The following CETP variants were observed in gnomAD, a reference collection of about 807,000 sequenced individuals.
CETP encodes BPI fold containing family F.
In CETP, 56 loss-of-function variants were observed where a neutral mutation model predicts 66.5. That is an observed-to-expected ratio of 0.84 (90% CI 0.68 to 1.05). CETP has a LOEUF of 1.05. Among genes scored for constraint, CETP ranks in the 50% least tolerant of loss-of-function variants. The pLI is 0.00. For missense variants in CETP, 612 were observed against 609.6 expected (o/e 1.00, Z -0.04); for synonymous variants, 251 against 245.7 (o/e 1.02, Z -0.20).
chr16:56,980,886 C>A (rs1461425448), intron 11 of CETP, among the ~76,000 whole-genome samples: 3 of 152,144 alleles, frequency 2.0e-5, no homozygotes, highest in Admixed American at 6.5e-5. Flanking sequence ...CGTGCCACTG[C>A]CCTCCAGCCT....
chr16:56,969,681 A>C lies in CETP; in HGVS notation c.439A>C (p.Thr147Pro), dbSNP rs1433520923. 1 of 1,613,860 alleles carries C rather than the reference A, an allele frequency of 6.2e-7. No individual in the cohort carries two copies. The highest frequency in any genetic ancestry group is 8.5e-7 in the Non-Finnish European group (1 of 1,179,972). The change falls in exon 4 of 16, where the codon ACC becomes CCC. Residue 147 changes from threonine to proline, a missense_variant and splice_region_variant. Physicochemically the swap from Thr to Pro is conservative, Grantham distance 38 (BLOSUM62 -1). Coordinates refer to ENST00000200676, the MANE Select transcript of CETP (RefSeq NM_000078.3). ...AIDLQINTQL[T>P]CDSGRVRTDA... ...TGACCTCCAGATCAACACACAGCTGAGTATGTGTCAAGCGTCCTCTGGGGA... is the reference window on the plus strand; with the variant it reads ...TGACCTCCAGATCAACACACAGCTGCGTATGTGTCAAGCGTCCTCTGGGGA...
chr16:56,972,444 A>T (rs1343118102), intron 8 of CETP, among the ~76,000 whole-genome samples: 1 of 152,238 alleles, frequency 6.6e-6, no homozygotes, highest in Non-Finnish European at 1.5e-5. Flanking sequence ...TAGGATATAG[A>T]TTTCTGTAAC....
chr16:56,969,647 C>G lies in CETP; in HGVS notation c.405C>G (p.Asp135Glu). Residue 135 changes from aspartate to glutamate, a missense_variant, in exon 4 of 16, where the codon GAC becomes GAG. Coordinates refer to ENST00000200676, the MANE Select transcript of CETP (RefSeq NM_000078.3). ...GIDQSIDFEI[D>E]SAIDLQINTQ... ...ATCAGTCCATTGACTTCGAGATCGACTCTGCCATTGACCTCCAGATCAACA... is the reference window on the plus strand; with the variant it reads ...ATCAGTCCATTGACTTCGAGATCGAGTCTGCCATTGACCTCCAGATCAACA... 6.2e-7 allele frequency: 1 copy of G among 1,613,950 alleles called. No homozygotes were observed. Among genetic ancestry groups the G allele is most frequent in the South Asian group, 1.1e-5 (1 of 91,070 alleles).
At chr16:56,971,151 G>A (rs763230937) in intron 6 of CETP, 49 bp downstream of exon 6, 1 of 1,583,880 alleles carries the variant, frequency 6.3e-7, no homozygotes, top group Non-Finnish European at 8.7e-7. Context: ...TGCCCAGGAG[G>A]CTGGATCCCT....
chr16:56,966,930 C>G lies in CETP; in HGVS notation c.234-2456C>G, dbSNP rs754177689. On this transcript the variant is annotated intron_variant, in intron 2 of 15. Coordinates refer to ENST00000200676, the MANE Select transcript of CETP (RefSeq NM_000078.3). ...GCCTGGCCCAGTCTGACTGTTTTCA[C>G]TTACTCTCTAATGTCTCAGGTAGTG... Among the ~76,000 whole-genome samples, 8 of 151,928 alleles carry G rather than the reference C, an allele frequency of 5.3e-5. No homozygotes were observed. The South Asian group carries it at 1.2e-3, about 24-fold the overall frequency.
chr16:56,968,748 AGTCTAGCTAAAGGTTT>A (rs1192884656), intron 2 of CETP, among the ~76,000 whole-genome samples: 38 of 135,158 alleles, frequency 2.8e-4, no homozygotes, highest in African/African-American at 1.1e-3. Flanking sequence ...TTTTTTTGCC[AGTCTAGCTAAAGGTTT>A]GTTGATTTTG....
At chr16:56,964,765 GGGTGCTGT>G (rs1295734740) in intron 2 of CETP, among the ~76,000 whole-genome samples, 2 of 152,222 alleles carry the variant, frequency 1.3e-5, no homozygotes, top group Non-Finnish European at 2.9e-5. Flanking sequence ...CGCCGCTAGC[GGGTGCTGT>G]GGGGCGTCCC....
intron 2 of CETP, among the ~76,000 whole-genome samples, chr16:56,968,233 TG>T (rs2056082349): frequency 6.6e-6 from 1 of 152,138 alleles, no homozygotes; most frequent in Non-Finnish European, 1.5e-5. Context: ...TTGCCCAGGC[TG>T]GAGTGTAATG....
At chr16:56,975,965 C>G (rs1436319915) in intron 10 of CETP, among the ~76,000 whole-genome samples, 5 of 152,224 alleles carry the variant, frequency 3.3e-5, no homozygotes, top group African/African-American at 1.2e-4. Context: ...TAACAGAGGA[C>G]GGTCCCTCTT....
intron 11 of CETP, among the ~76,000 whole-genome samples, chr16:56,978,650 T>A (rs530144371): frequency 8.7e-5 from 13 of 149,036 alleles, no homozygotes; most frequent in African/African-American, 2.7e-4. Context: ...CTGGCTAATT[T>A]AAAAAAAAAA....
At position 56,978,157 on chromosome 16, in the gene CETP, T is replaced by C. The variant is rs1371068868; in HGVS notation, c.1048T>C (p.Cys350Arg). Reference sequence around the variant, plus strand: ...CTGCCTCAAGATGCCCAAGATCTCCTGCCAAAACAAGGGAGTCGTGGTCAA... The same window carrying C: ...CTGCCTCAAGATGCCCAAGATCTCCCGCCAAAACAAGGGAGTCGTGGTCAA... Reference protein sequence around the residue: ...VHCLKMPKISCQNKGVVVNSS... With the variant: ...VHCLKMPKISRQNKGVVVNSS... Residue 350 changes from cysteine to arginine, a missense_variant, in exon 11 of 16, where the codon TGC (cysteine) becomes CGC (arginine). Coordinates refer to ENST00000200676, the MANE Select transcript of CETP (RefSeq NM_000078.3). 1 of 1,614,236 alleles carries C rather than the reference T, an allele frequency of 6.2e-7. No homozygotes were observed. The highest frequency in any genetic ancestry group is 8.5e-7 in the Non-Finnish European group (1 of 1,180,042).
At position 56,972,030 on chromosome 16, in the gene CETP, T is replaced by A. The variant is rs1038374736; in HGVS notation, c.697T>A (p.Ser233Thr). 3 of 1,614,056 alleles carry A rather than the reference T, an allele frequency of 1.9e-6. No individual in the cohort carries two copies. Among genetic ancestry groups the A allele is most frequent in the African/African-American group, 1.3e-5 (1 of 74,922 alleles). ...LSDGDIGVDISLTGDPVITAS... is the reference protein window; with the variant it reads ...LSDGDIGVDITLTGDPVITAS... ...AGATGGAGACATTGGGGTGGACATT[T>A]CCCTGACAGGTGATCCCGTCATCAC... is the stretch of plus-strand genomic sequence containing the variant. Residue 233 changes from serine (S) to threonine (T), a missense_variant, in exon 8 of 16, where the codon TCC becomes ACC. By Grantham distance (58) the Ser-to-Thr change is moderately conservative (BLOSUM62 1). Coordinates refer to ENST00000200676, the MANE Select transcript of CETP (RefSeq NM_000078.3).
chr16:56,967,935 G>C (rs556719677), intron 2 of CETP, among the ~76,000 whole-genome samples: 138 of 151,014 alleles, frequency 9.1e-4, no homozygotes, highest in African/African-American at 3.3e-3. Flanking sequence ...CTCTGGCCTG[G>C]GCAACAGAGA....
Position 56,983,760 on chromosome 16 carries a change from T to C in CETP, c.*94T>C. 8.2e-7 allele frequency: 1 copy of C among 1,216,476 alleles called. No homozygotes were observed. The allele number at this position is 1,216,476 out of a possible 1,614,324, so 75.4% of individuals were successfully genotyped here. On this transcript the variant is annotated 3_prime_UTR_variant, in exon 16 of 16. Transcript: ENST00000200676. The stretch of plus-strand genomic sequence containing the variant: ...GGTGTCTCCTCCAGCGTGGTGGAAG[T>C]TGGGTTAGGAGTACGGAGATGGAGA...
intron 2 of CETP, among the ~76,000 whole-genome samples, chr16:56,966,372 G>A (rs820299): frequency 0.61 from 92,108 of 151,922 alleles, 28,134 homozygotes; most frequent in South Asian, 0.69. Flanking sequence ...ATTGTCCCAA[G>A]TCCTGTCCTC....
Position 56,981,779 on chromosome 16 carries a change from C to T in CETP, c.1248+99C>T, listed in dbSNP as rs1222457515. On this transcript the variant is annotated intron_variant, in intron 13 of 15. Transcript: ENST00000200676. ...CCCTAAAGGAAATCAGGCAACCAGA[C>T]CAAAAGAATGTGGACCAGGTGGTCC... is the stretch of plus-strand genomic sequence containing the variant. 3.3e-6 allele frequency: 4 copies of T among 1,210,372 alleles called. No individual in the cohort carries two copies. In the African/African-American group the frequency reaches 4.5e-5, roughly 14 times the overall value. 75.0% of individuals were successfully genotyped at this position (1,210,372 alleles called of 1,614,324 possible). A position where few individuals can be genotyped will look rare whatever the true frequency, so the allele number is the denominator to read the frequency against.
chr16:56,973,674 ACCTGTAATCCCAAT>A (rs2056129900), intron 9 of CETP, among the ~76,000 whole-genome samples, 164 bp downstream of exon 9: 1 of 152,204 alleles, frequency 6.6e-6, no homozygotes, highest in African/African-American at 2.4e-5. Context: ...AGTGGCTCAC[ACCTGTAATCCCAAT>A]CCTTTGGGAG....
Position 56,969,685 on chromosome 16 carries a change from T to C in CETP, c.439+4T>C. On this transcript the variant is annotated splice_donor_region_variant and intron_variant, in intron 4 of 15. Coordinates refer to ENST00000200676, the MANE Select transcript of CETP (RefSeq NM_000078.3). ...CTCCAGATCAACACACAGCTGAGTA[T>C]GTGTCAAGCGTCCTCTGGGGAAGTG... 3.1e-6 allele frequency: 5 copies of C among 1,613,860 alleles called. No individual in the cohort carries two copies. Among genetic ancestry groups the C allele is most frequent in the Non-Finnish European group, 4.2e-6 (5 of 1,180,004 alleles).
At chr16:56,962,235 G>T (rs2056028875) in intron 1 of CETP, 138 bp downstream of exon 1, 1 of 801,526 alleles carries the variant, frequency 1.2e-6, no homozygotes, top group Admixed American at 1.7e-5. Context: ...CTGGGAGGGA[G>T]ATGGGCTGAG....
Sources: gnomAD v4.1 joint callset for allele counts (sites outside exome capture counted in the v4.1 genomes callset) on GRCh38, gnomAD v4.1.1 for gene constraint, MANE v1.5 for transcripts, NCBI Gene and HGNC (gene_info 2026-07-23, HGNC 2026-07-21) for gene names.